TNFRSF10A: variants seen among roughly 807,000 people sequenced by gnomAD.
TNFRSF10A encodes the protein TNF receptor superfamily member 10a.
Under a neutral mutation model 42.8 loss-of-function variants are expected in TNFRSF10A, and 44 were observed. The observed-to-expected ratio is 1.03, with a 90% CI of 0.81 to 1.32. The LOEUF is 1.32. Among genes scored for constraint, TNFRSF10A ranks in the 40% most tolerant of loss-of-function variants. The pLI, the probability that TNFRSF10A is intolerant of heterozygous loss-of-function variation, is 0.00. For missense variants in TNFRSF10A, 680 were observed against 602.0 expected (o/e 1.13, Z -1.36); for synonymous variants, 259 against 234.2 (o/e 1.11, Z -0.97).
intron 1 of TNFRSF10A, among the ~76,000 whole-genome samples, chr8:23,216,354 C>T (rs1047351235): frequency 6.6e-6 from 1 of 152,088 alleles, no homozygotes; most frequent in Non-Finnish European, 1.5e-5. Flanking sequence ...CTGAGATATA[C>T]TTTATATATG....
intron 2 of TNFRSF10A, among the ~76,000 whole-genome samples, chr8:23,208,190 T>G (rs1255099426): frequency 6.6e-6 from 1 of 152,180 alleles, no homozygotes; most frequent in African/African-American, 2.4e-5. Context: ...CAAAGGTGAC[T>G]CTTGTTATAT....
chr8:23,207,006 A>ATCTC, intron 2 of TNFRSF10A: 1 of 396,128 alleles, frequency 2.5e-6, no homozygotes, highest in Non-Finnish European at 4.8e-6. Context: ...CAGTGTAGAA[A>ATCTC]GGTGTCCACT....
In TNFRSF10A at chr8:23,202,677, G is replaced by A. The variant is rs1554522971; in HGVS notation, c.488C>T (p.Ala163Val). The change falls in exon 3 of 10, where the codon GCT (alanine) becomes GTT (valine). Residue 163 changes from alanine (A) to valine (V), a missense_variant. Physicochemically the swap from Ala to Val is moderately conservative, Grantham distance 64. Coordinates refer to ENST00000221132, the MANE Select transcript of TNFRSF10A (RefSeq NM_003844.4). ...GYTNASNNLFACLPCTACKSD... is the reference protein window; with the variant it reads ...GYTNASNNLFVCLPCTACKSD... Reference sequence around the variant, plus strand: ...TTTACAAGCTGTACATGGGAGGCAAGCAAACAAATTGTTGGAAGCATTGGT... The same window carrying A: ...TTTACAAGCTGTACATGGGAGGCAAACAAACAAATTGTTGGAAGCATTGGT... 3.1e-6 allele frequency: 5 copies of A among 1,613,960 alleles called. No individual in the cohort carries two copies. The Admixed American group carries it at 6.7e-5, about 22-fold the overall frequency.
intron 1 of TNFRSF10A, chr8:23,224,328 GAAGAA>G (rs1801301200): frequency 6.5e-6 from 1 of 153,046 alleles, no homozygotes; most frequent in Non-Finnish European, 1.4e-5. Context: ...AAAAAGAAGA[GAAGAA>G]AAGAAGGACG....
intron 3 of TNFRSF10A, 50 bp downstream of exon 3, chr8:23,202,598 C>G: frequency 6.7e-7 from 1 of 1,491,098 alleles, no homozygotes; most frequent in Non-Finnish European, 9.4e-7. Flanking sequence ...CCACTCCCAC[C>G]TCACTGCCCC....
intron 9 of TNFRSF10A, among the ~76,000 whole-genome samples, chr8:23,193,755 G>C (rs778738780): frequency 6.6e-6 from 1 of 152,212 alleles, no homozygotes; most frequent in African/African-American, 2.4e-5. Flanking sequence ...GTTTGTTGCT[G>C]CAGCAGTTGT....
In TNFRSF10A at chr8:23,190,474, G is replaced by T. The variant is rs1199451943; in HGVS notation, c.*1220C>A. Reference sequence around the variant, plus strand: ...TTCTTTTAACCAAATCTTTGCATAGGTACCAAATAACACATTTGTTTAGGA... The same window carrying T: ...TTCTTTTAACCAAATCTTTGCATAGTTACCAAATAACACATTTGTTTAGGA... On this transcript the variant is annotated 3_prime_UTR_variant, in exon 10 of 10. Coordinates refer to ENST00000221132, the MANE Select transcript of TNFRSF10A (RefSeq NM_003844.4). 6.6e-6 allele frequency: 1 copy of T among 151,960 alleles called. No homozygotes were observed. Among genetic ancestry groups the T allele is most frequent in the Non-Finnish European group, 1.5e-5 (1 of 67,998 alleles). 9.4% of individuals were successfully genotyped at this position (151,960 alleles called of 1,614,324 possible).
intron 1 of TNFRSF10A, among the ~76,000 whole-genome samples, chr8:23,221,164 G>T (rs775654907): frequency 3.3e-5 from 5 of 152,156 alleles, no homozygotes; most frequent in Non-Finnish European, 5.9e-5. Flanking sequence ...GTGCTCTGGG[G>T]ATCCAGAGTC....
At chr8:23,193,668 GT>G (rs1262261012) in intron 9 of TNFRSF10A, among the ~76,000 whole-genome samples, 1 of 152,060 alleles carries the variant, frequency 6.6e-6, no homozygotes, top group Admixed American at 6.6e-5. Context: ...AGCAATTTTT[GT>G]TGGCAGGTTG....
intron 2 of TNFRSF10A, among the ~76,000 whole-genome samples, chr8:23,211,754 G>A (rs896186025): frequency 3.9e-5 from 6 of 152,216 alleles, no homozygotes; most frequent in African/African-American, 1.2e-4. Context: ...TTTTGACAAG[G>A]ATGCCAAGGC....
At chr8:23,196,782 G>A (rs1167309837) in intron 9 of TNFRSF10A, among the ~76,000 whole-genome samples, 2 of 152,146 alleles carry the variant, frequency 1.3e-5, no homozygotes, top group East Asian at 3.9e-4. Flanking sequence ...TCTGCAAATT[G>A]GGCTTAGGCA....
chr8:23,200,842 C>G, intron 4 of TNFRSF10A, 82 bp from the exon 5 acceptor site: 1 of 1,294,910 alleles, frequency 7.7e-7, no homozygotes, highest in South Asian at 1.2e-5. Flanking sequence ...ACTCTCCCTG[C>G]CCAATGTCCC....
intron 9 of TNFRSF10A, among the ~76,000 whole-genome samples, chr8:23,194,689 A>C (rs1191601783): frequency 6.6e-6 from 1 of 152,232 alleles, no homozygotes; most frequent in Non-Finnish European, 1.5e-5. Flanking sequence ...AAAGAAATTA[A>C]CTAACTTTAA....
At chr8:23,224,355 G>C (rs934932278) in intron 1 of TNFRSF10A, 8 of 177,736 alleles carry the variant, frequency 4.5e-5, no homozygotes, top group Non-Finnish European at 3.5e-5. Flanking sequence ...GGGTGGGGAG[G>C]GAATCAGGGA....
rs138069770 is a variant in TNFRSF10A at position 23,197,200 on chromosome 8, G to C, written c.1019C>G (p.Pro340Arg). 6.2e-7 allele frequency: 1 copy of C among 1,614,080 alleles called. No homozygotes were observed. The highest frequency in any genetic ancestry group is 1.1e-5 in the South Asian group (1 of 91,080). ...CCTCTGAGACCCTTCAGCTTCTGCC[G>C]GTCCCTGTAACACACAGTGGGGAAT... ...SPGEAQCLLG[P>R]AEAEGSQRRR... The change falls in exon 9 of 10, where the codon CCG (proline) becomes CGG (arginine). Residue 340 changes from proline (P) to arginine (R), a missense_variant. Transcript: ENST00000221132.
chr8:23,199,537 C>G (rs1490606119), intron 7 of TNFRSF10A, 89 bp from the exon 8 acceptor site: 2 of 1,482,580 alleles, frequency 1.3e-6, no homozygotes, highest in Non-Finnish European at 1.8e-6. Context: ...TGCCACCACC[C>G]CCTCCCAGTG....
chr8:23,222,454 G>A (rs574181911), intron 1 of TNFRSF10A, among the ~76,000 whole-genome samples: 2 of 152,284 alleles, frequency 1.3e-5, no homozygotes, highest in South Asian at 2.1e-4. Context: ...TGTGGTTCAC[G>A]CCATGTGTTT....
At chr8:23,206,399 C>T (rs886848282) in intron 2 of TNFRSF10A, among the ~76,000 whole-genome samples, 1 of 152,192 alleles carries the variant, frequency 6.6e-6, no homozygotes, top group African/African-American at 2.4e-5. Flanking sequence ...ATGGTAAGTG[C>T]CCTAGACAAC....
intron 1 of TNFRSF10A, among the ~76,000 whole-genome samples, chr8:23,221,360 T>A (rs913680257): frequency 3.3e-5 from 5 of 152,262 alleles, no homozygotes; most frequent in Admixed American, 6.5e-5. Flanking sequence ...CAACCCTGGC[T>A]GTCTTCAGCC....
Sources: gnomAD v4.1 joint callset for allele counts (sites outside exome capture counted in the v4.1 genomes callset) on GRCh38, gnomAD v4.1.1 for gene constraint, MANE v1.5 for transcripts, NCBI Gene and HGNC (gene_info 2026-07-23, HGNC 2026-07-21) for gene names.